PTPRZ1: variants seen among roughly 807,000 people sequenced by gnomAD.
PTPRZ1 encodes the protein protein tyrosine phosphatase receptor type Z1, also known as receptor-type tyrosine-protein phosphatase zeta.
PTPRZ1 carries 82 observed loss-of-function variants against 214.1 expected under a neutral mutation model. That is an observed-to-expected ratio of 0.38 (90% CI 0.32 to 0.46). The LOEUF is 0.46. Ranked by LOEUF, PTPRZ1 falls within the 20% of genes least tolerant of loss-of-function variation. PTPRZ1 has a pLI of 1.00. For missense variants in PTPRZ1, 2,603 were observed against 2,748.7 expected, an observed-to-expected ratio of 0.95 and a Z score of 1.19; for synonymous variants, 945 against 987.9, an observed-to-expected ratio of 0.96 and a Z score of 0.81.
chr7:121,954,537 C>T (rs923910611), intron 2 of PTPRZ1, among the ~76,000 whole-genome samples: 1 of 152,148 alleles, frequency 6.6e-6, no homozygotes, highest in Non-Finnish European at 1.5e-5. Context: ...CATATCCCAT[C>T]TGGGTTAGGT....
intron 13 of PTPRZ1, among the ~76,000 whole-genome samples, chr7:122,027,009 A>T (rs1799223615): frequency 6.6e-6 from 1 of 152,236 alleles, no homozygotes; most frequent in South Asian, 2.1e-4. Flanking sequence ...GAAGAGACCA[A>T]TTATAAACAT....
chr7:121,965,038 A>G (rs936403792), intron 2 of PTPRZ1, among the ~76,000 whole-genome samples: 9 of 152,238 alleles, frequency 5.9e-5, no homozygotes, highest in African/African-American at 2.2e-4. Context: ...ATTGTAGCCA[A>G]GGAGTAATGT....
chr7:121,988,661 A>G (rs552428911), intron 8 of PTPRZ1, among the ~76,000 whole-genome samples: 2 of 152,318 alleles, frequency 1.3e-5, no homozygotes, highest in East Asian at 3.9e-4. Flanking sequence ...GGCAGGTAGT[A>G]AGAGCCCTTT....
chr7:121,921,151 AAAT>A (rs147119854), intron 1 of PTPRZ1, among the ~76,000 whole-genome samples: 8,978 of 152,228 alleles, frequency 0.059, 312 homozygotes, highest in Non-Finnish European at 0.085. Flanking sequence ...TTTTAACAAA[AAAT>A]AACTCAACTT....
At chr7:122,031,655 C>T (rs1188567711) in intron 15 of PTPRZ1, 96 bp downstream of exon 15, 2 of 763,754 alleles carry the variant, frequency 2.6e-6, no homozygotes, top group Non-Finnish European at 4.1e-6. Flanking sequence ...GACAGTGCAA[C>T]CATTTGCACT....
intron 1 of PTPRZ1, among the ~76,000 whole-genome samples, chr7:121,927,842 G>C (rs1335766374): frequency 6.6e-6 from 1 of 152,190 alleles, no homozygotes; most frequent in Admixed American, 6.5e-5. Context: ...ATGACAAGCT[G>C]TCCTTTCTGA....
intron 1 of PTPRZ1, chr7:121,908,357 C>CG: frequency 1.3e-5 from 3 of 237,206 alleles, no homozygotes; most frequent in South Asian, 4.5e-5. Flanking sequence ...GTAGATCAAT[C>CG]CCTTTGGAAA....
rs1244669783 is a variant in PTPRZ1 at position 122,010,530 on chromosome 7, T to A, written c.1484T>A (p.Val495Asp). ...AGTGAATTCTCTGGAAAGGGTGATG[T>A]TCCCAATACATCTTTAAATTCCACT... ...RGSEFSGKGD[V>D]PNTSLNSTSQ... Residue 495 changes from valine (V) to aspartate (D), a missense_variant, in exon 12 of 30, where the codon GTT (valine) becomes GAT (aspartate). Coordinates refer to ENST00000393386, the MANE Select transcript of PTPRZ1 (RefSeq NM_002851.3). The A allele has an allele frequency of 1.2e-6, 2 of 1,613,600 alleles. No homozygotes were observed. Among genetic ancestry groups the A allele is most frequent in the Non-Finnish European group, 1.7e-6 (2 of 1,179,704 alleles).
At position 122,012,426 on chromosome 7, in the gene PTPRZ1, C is replaced by T. The variant is rs1380683280; in HGVS notation, c.3380C>T (p.Pro1127Leu). 6.2e-7 allele frequency: 1 copy of T among 1,613,800 alleles called. No homozygotes were observed. The highest frequency in any genetic ancestry group is 8.5e-7 in the Non-Finnish European group (1 of 1,179,824). ...CCAGAAAATAACTTTTCAGTTCAAC[C>T]TACACATACTGTCTCTCAAGCATCT... Reference protein sequence around the residue: ...QVPENNFSVQPTHTVSQASGD... With the variant: ...QVPENNFSVQLTHTVSQASGD... The change falls in exon 12 of 30, where the codon CCT becomes CTT. Residue 1127 changes from proline (P) to leucine (L), a missense_variant. By Grantham distance (98) the Pro-to-Leu change is moderately conservative. Transcript: ENST00000393386.
chr7:121,961,250 C>G (rs1038638189), intron 2 of PTPRZ1, among the ~76,000 whole-genome samples: 3 of 152,176 alleles, frequency 2.0e-5, no homozygotes, highest in Non-Finnish European at 4.4e-5. Flanking sequence ...TCTCCCCAGG[C>G]ACATGGATCA....
intron 2 of PTPRZ1, among the ~76,000 whole-genome samples, chr7:121,934,937 A>C (rs1796030007): frequency 6.6e-6 from 1 of 152,156 alleles, no homozygotes; most frequent in Non-Finnish European, 1.5e-5. Flanking sequence ...CTATTCATGA[A>C]AATTGCTAAG....
In PTPRZ1 at chr7:121,976,671, C is replaced by A. The variant is rs1584702692; in HGVS notation, c.553-114C>A. The A allele has an allele frequency of 4.8e-6, 4 of 828,634 alleles. No individual in the cohort carries two copies. The South Asian group carries it at 8.8e-5, about 18-fold the overall frequency. 51.3% of individuals were successfully genotyped at this position (828,634 alleles called of 1,614,324 possible). ...AGCTATAAAAAAAGTGTTTTTGGAA[C>A]TTACTATTTTTTAATGCACATATTT... On this transcript the variant is annotated intron_variant, in intron 5 of 29. Coordinates refer to ENST00000393386, the MANE Select transcript of PTPRZ1 (RefSeq NM_002851.3).
chr7:122,044,707 T>C (rs1446973834), intron 23 of PTPRZ1, 139 bp downstream of exon 23: 1 of 873,682 alleles, frequency 1.1e-6, no homozygotes, highest in Non-Finnish European at 1.7e-6. Context: ...TGTTCCTTAC[T>C]GTGGGCTACA....
At position 122,013,852 on chromosome 7, in the gene PTPRZ1, T is replaced by C; in HGVS notation, c.4806T>C (p.Thr1602=). The change falls in exon 12 of 30, where the codon ACT becomes ACC. Residue 1602 remains threonine, a synonymous_variant. Transcript: ENST00000393386. The part of the protein sequence containing the change: ...GFPQSPTSSV[T]SENSEVFHVS... ...CACAGTCCCCAACATCATCTGTTAC[T>C]AGCGAGAACTCAGAAGTGTTCCACG... is the stretch of plus-strand genomic sequence containing the variant. 6.2e-7 allele frequency: 1 copy of C among 1,613,162 alleles called. No individual in the cohort carries two copies. Among genetic ancestry groups the C allele is most frequent in the Non-Finnish European group, 8.5e-7 (1 of 1,179,486 alleles).
At chr7:122,051,403 T>A (rs757829494) in intron 23 of PTPRZ1, 25 bp from the exon 24 acceptor site, 1 of 1,563,202 alleles carries the variant, frequency 6.4e-7, no homozygotes, top group African/African-American at 1.4e-5. Flanking sequence ...AAATAACCTA[T>A]ATATTTTTTT....
intron 1 of PTPRZ1, among the ~76,000 whole-genome samples, chr7:121,884,230 G>T (rs1794329194): frequency 6.6e-6 from 1 of 151,984 alleles, no homozygotes; most frequent in Admixed American, 6.6e-5. Context: ...GTGGGGAAAT[G>T]ACATGTAATG....
chr7:121,955,548 CATAA>C (rs1236700596), intron 2 of PTPRZ1, among the ~76,000 whole-genome samples: 2 of 152,102 alleles, frequency 1.3e-5, no homozygotes, highest in African/African-American at 4.8e-5. Context: ...CTCATAATTC[CATAA>C]ATAGTTTGCC....
In PTPRZ1 at chr7:122,012,583, A is replaced by G; in HGVS notation, c.3537A>G (p.Glu1179=). Residue 1179 remains glutamate (E), a synonymous_variant, in exon 12 of 30, where the codon GAA becomes GAG. Transcript: ENST00000393386. The part of the protein sequence containing the change: ...FYETSASFST[E]VLLQPSFQAS... ...AGACCTCAGCTTCTTTTAGTACTGA[A>G]GTATTGCTACAACCTTCCTTTCAGG... 1.2e-6 allele frequency: 2 copies of G among 1,613,162 alleles called. No homozygotes were observed. Among genetic ancestry groups the G allele is most frequent in the Non-Finnish European group, 1.7e-6 (2 of 1,179,098 alleles).
rs867969782 is a variant in PTPRZ1 at position 122,058,844 on chromosome 7, G to A, written c.6573G>A (p.Trp2191Ter). 1.2e-6 allele frequency: 2 copies of A among 1,603,054 alleles called. No individual in the cohort carries two copies. Among genetic ancestry groups the A allele is most frequent in the Non-Finnish European group, 1.7e-6 (2 of 1,170,406 alleles). ...TGAGGCACTTTCAGTGTCCTAAATG[G>A]CCAAATCCAGATAGCCCCATTAGTA... ...LEVRHFQCPK[W>*]PNPDSPISKT... Residue 2191 changes from tryptophan (W) to a stop codon, truncating the protein, a stop_gained, in exon 28 of 30, where the codon TGG (tryptophan) becomes TGA (stop). Transcript: ENST00000393386. LOFTEE classifies it high-confidence loss of function.
Sources: allele counts gnomAD v4.1 joint callset (sites outside exome capture counted in the v4.1 genomes callset), GRCh38; gene constraint gnomAD v4.1.1; transcripts MANE v1.5; gene names NCBI Gene and HGNC (gene_info 2026-07-23, HGNC 2026-07-21).